Variants in ZNF654 observed in about 807,000 individuals in gnomAD.
The protein encoded by ZNF654 is zinc finger protein 654, also known as melanoma-associated antigen.
A neutral mutation model predicts 95.3 loss-of-function variants in ZNF654; 19 were observed. The observed-to-expected ratio is 0.20, with a 90% confidence interval of 0.14 to 0.29. ZNF654 has a LOEUF of 0.29. ZNF654 is among the 10% of genes least tolerant of loss of function. The pLI, the probability that ZNF654 is intolerant of heterozygous loss-of-function variation, is 1.00. For missense variants in ZNF654, 1,046 were observed against 1,341.0 expected (o/e 0.78, Z 3.44); for synonymous variants, 413 against 457.9 (o/e 0.90, Z 1.25).
intron 3 of ZNF654, 56 bp from the exon 4 acceptor site, chr3:88,126,078 A>C (rs541574631): frequency 7.2e-7 from 1 of 1,382,792 alleles, no homozygotes; most frequent in African/African-American, 1.4e-5. Flanking sequence ...ATGATGATCA[A>C]GTTTAGTTTT....
chr3:88,110,293 G>T (rs753112645), intron 2 of ZNF654, among the ~76,000 whole-genome samples: 2 of 152,078 alleles, frequency 1.3e-5, no homozygotes, highest in East Asian at 3.8e-4. Context: ...GGTCTGTAAA[G>T]GACCAGATAC....
At chr3:88,086,509 C>A in intron 2 of ZNF654, 107 bp downstream of exon 2, 1 of 981,782 alleles carries the variant, frequency 1.0e-6, no homozygotes, top group Non-Finnish European at 1.4e-6. Context: ...AGTATTCCCT[C>A]AAAAAGAAAT....
At chr3:88,089,445 C>T (rs1708521961) in intron 2 of ZNF654, among the ~76,000 whole-genome samples, 1 of 150,812 alleles carries the variant, frequency 6.6e-6, no homozygotes, top group Admixed American at 6.6e-5. Flanking sequence ...GAGCCAAGAT[C>T]ATGCCATTGC....
intron 2 of ZNF654, among the ~76,000 whole-genome samples, chr3:88,103,026 G>A (rs976461606): frequency 9.9e-5 from 15 of 151,946 alleles, no homozygotes; most frequent in African/African-American, 3.4e-4. Flanking sequence ...CCATCTTTAT[G>A]TCCATGAGTA....
intron 1 of ZNF654, among the ~76,000 whole-genome samples, chr3:88,084,565 C>T (rs1242454517): frequency 1.3e-5 from 2 of 152,152 alleles, no homozygotes; most frequent in African/African-American, 4.8e-5. Flanking sequence ...CAGAGACAAT[C>T]TCCTTTAGCT....
At chr3:88,104,920 C>T (rs1233808902) in intron 2 of ZNF654, among the ~76,000 whole-genome samples, 2 of 152,234 alleles carry the variant, frequency 1.3e-5, no homozygotes, top group Non-Finnish European at 2.9e-5. Flanking sequence ...GGGCAGATTA[C>T]TTCAGGCCGG....
intron 2 of ZNF654, among the ~76,000 whole-genome samples, chr3:88,098,009 A>T (rs1007152341): frequency 6.6e-6 from 1 of 152,214 alleles, no homozygotes; most frequent in Admixed American, 6.5e-5. Flanking sequence ...AGATAGAGAC[A>T]TAAAAAACCC....
intron 2 of ZNF654, among the ~76,000 whole-genome samples, 175 bp downstream of exon 2, chr3:88,086,577 A>C (rs979996655): frequency 6.6e-6 from 1 of 152,148 alleles, no homozygotes; most frequent in African/African-American, 2.4e-5. Context: ...CCATAATTTT[A>C]CTTTAAGTTT....
intron 1 of ZNF654, among the ~76,000 whole-genome samples, chr3:88,074,120 A>C (rs558452012): frequency 1.3e-5 from 2 of 152,144 alleles, no homozygotes. Flanking sequence ...TTGAGTTCAC[A>C]AAGAAAAATT....
chr3:88,083,403 A>G (rs978428925), intron 1 of ZNF654, among the ~76,000 whole-genome samples: 1 of 152,234 alleles, frequency 6.6e-6, no homozygotes, highest in Non-Finnish European at 1.5e-5. Flanking sequence ...TATATACTAT[A>G]TCCCATTTAG....
intron 4 of ZNF654, among the ~76,000 whole-genome samples, chr3:88,128,333 T>C (rs1371949257): frequency 1.3e-5 from 2 of 152,142 alleles, no homozygotes; most frequent in Non-Finnish European, 2.9e-5. Flanking sequence ...TTTCTTGTGA[T>C]TCAACTTTTT....
chr3:88,085,874 GATA>G (rs1245732835), intron 1 of ZNF654, among the ~76,000 whole-genome samples: 6 of 151,988 alleles, frequency 3.9e-5, no homozygotes, highest in South Asian at 2.1e-4. Flanking sequence ...AAATAATAAT[GATA>G]ATAATAATGC....
chr3:88,082,581 C>T (rs538851036), intron 1 of ZNF654, among the ~76,000 whole-genome samples: 14 of 152,220 alleles, frequency 9.2e-5, no homozygotes, highest in East Asian at 1.9e-4. Context: ...ATAATACGGA[C>T]GTGAATAGCC....
chr3:88,117,194 AAAT>A (rs1483966055), intron 3 of ZNF654, among the ~76,000 whole-genome samples: 2 of 152,318 alleles, frequency 1.3e-5, no homozygotes, highest in African/African-American at 2.4e-5. Flanking sequence ...TTAATGAAGG[AAAT>A]AATATCTAAA....
chr3:88,136,547 G>T (rs1051083860), intron 7 of ZNF654, among the ~76,000 whole-genome samples: 5 of 152,100 alleles, frequency 3.3e-5, no homozygotes, highest in African/African-American at 1.2e-4. Flanking sequence ...TGACATGAGG[G>T]TAGTACTAAC....
In ZNF654 at chr3:88,066,587, A is replaced by AAAC. The variant is rs1553691223; in HGVS notation, c.186+7082_186+7083insAAC. On this transcript the variant is annotated intron_variant, in intron 1 of 8. Coordinates refer to ENST00000636215, the MANE Select transcript of ZNF654 (RefSeq NM_001350134.2). ...ACAAACAAACAAACAAACAAAAAAA[A>AAAC]CAAAAAAACCTCAATTTTAATTTTG... Among the ~76,000 whole-genome samples the AAAC allele has an allele frequency of 3.0e-3, 456 of 151,496 alleles. 5 individuals are homozygous for AAAC. Among genetic ancestry groups the AAAC allele is most frequent in the African/African-American group, 0.01 (432 of 41,336 alleles).
intron 8 of ZNF654, 89 bp downstream of exon 8, chr3:88,141,137 T>C (rs1707104932): frequency 2.1e-6 from 3 of 1,444,284 alleles, no homozygotes; most frequent in Non-Finnish European, 2.8e-6. Flanking sequence ...ATTTAAAAAA[T>C]TGATATTTGT....
chr3:88,107,544 G>A lies in ZNF654; in HGVS notation c.333-5571G>A, dbSNP rs553942218. On this transcript the variant is annotated intron_variant, in intron 2 of 8. Transcript: ENST00000636215. The stretch of plus-strand genomic sequence containing the variant: ...ATTTATGGATTTGGATTTTTCGTCA[G>A]TTGCGAAAAATTCTCGTCCAGTTAA... 7.2e-5 allele frequency among the ~76,000 whole-genome samples: 11 copies of A among 152,180 alleles called. No homozygotes were observed. The South Asian group carries it at 2.3e-3, about 32-fold the overall frequency.
intron 1 of ZNF654, among the ~76,000 whole-genome samples, chr3:88,078,583 A>G (rs1707931815): frequency 6.6e-6 from 1 of 152,124 alleles, no homozygotes; most frequent in Non-Finnish European, 1.5e-5. Context: ...AAGTAGTATA[A>G]TGTTGAGCAA....
Sources: allele counts gnomAD v4.1 joint callset (sites outside exome capture counted in the v4.1 genomes callset), GRCh38; gene constraint gnomAD v4.1.1; transcripts MANE v1.5; gene names NCBI Gene and HGNC (gene_info 2026-07-23, HGNC 2026-07-21).